Variants in RYR1 observed in about 807,000 individuals in gnomAD.
RYR1 encodes the protein ryanodine receptor 1.
In RYR1, 342 loss-of-function variants were observed where a neutral mutation model predicts 583.5. The ratio of observed to expected loss-of-function variants is 0.59; its 90% confidence interval spans 0.54 to 0.64. RYR1 has a LOEUF of 0.64. Among genes scored for constraint, RYR1 ranks in the 30% least tolerant of loss-of-function variants. RYR1 has a pLI of 0.00. For synonymous variants in RYR1, 2,791 were observed against 2,822.5 expected, an observed-to-expected ratio of 0.99 and a Z score of 0.35; for missense variants, 6,032 against 6,917.2, an observed-to-expected ratio of 0.87 and a Z score of 4.54.
chr19:38,458,940 G>A (rs1967579158), intron 18 of RYR1, among the ~76,000 whole-genome samples: 1 of 152,040 alleles, frequency 6.6e-6, no homozygotes, highest in African/African-American at 2.4e-5. Context: ...TTAATCTCTG[G>A]CCCCACAGCT....
At chr19:38,544,007 G>T in intron 87 of RYR1, 132 bp downstream of exon 87, 1 of 866,444 alleles carries the variant, frequency 1.2e-6, no homozygotes. Flanking sequence ...CCCTCTCAGT[G>T]GCCAAATCCA....
In RYR1 at chr19:38,528,331, A is replaced by C. The variant is rs968796694; in HGVS notation, c.10850A>C (p.Lys3617Thr). Residue 3617 changes from lysine to threonine, a missense_variant, in exon 74 of 106, where the codon AAG (lysine) becomes ACG (threonine). By Grantham distance (78) the Lys-to-Thr change is moderately conservative. Around this residue, in one of 11 missense-constraint regions of RYR1, gnomAD observed 1,493 missense variants for 1,715.5 expected, o/e 0.87. Transcript: ENST00000359596. ...DQTEHPYKSK[K>T]AVWHKLLSKQ... The stretch of plus-strand genomic sequence containing the variant: ...ACCGAGCACCCTTACAAGTCTAAGA[A>C]GGCCGTGTGGCACAAGCTTTTGTCC... 6 of 1,613,922 alleles carry C rather than the reference A, an allele frequency of 3.7e-6. No individual in the cohort carries two copies. The highest frequency in any genetic ancestry group is 4.2e-6 in the Non-Finnish European group (5 of 1,180,018).
intron 7 of RYR1, among the ~76,000 whole-genome samples, chr19:38,445,895 C>CAGA (rs60535236): frequency 6.6e-6 from 1 of 151,702 alleles, no homozygotes; most frequent in African/African-American, 2.4e-5. Context: ...GAGGCTGAGG[C>CAGA]AGTATTGCTT....
At chr19:38,449,979 C>T (rs1471336285) in intron 11 of RYR1, among the ~76,000 whole-genome samples, 3 of 152,206 alleles carry the variant, frequency 2.0e-5, no homozygotes, top group Non-Finnish European at 2.9e-5. Context: ...CCTCCTGCCT[C>T]AGCCTCCCAA....
At position 38,504,352 on chromosome 19, in the gene RYR1, G is replaced by A; in HGVS notation, c.8059G>A (p.Ala2687Thr). 6.2e-7 allele frequency: 1 copy of A among 1,614,074 alleles called. No individual in the cohort carries two copies. Among genetic ancestry groups the A allele is most frequent in the Non-Finnish European group, 8.5e-7 (1 of 1,179,994 alleles). ...CTTCTGGGGCATCTTTGACTCTCTG[G>A]CCCATAAGGTCTGGGCAGCAGGGAG... ...KLFWGIFDSLAHKKYDPELYR... is the reference protein window; with the variant it reads ...KLFWGIFDSLTHKKYDPELYR... Residue 2687 changes from alanine to threonine, a missense_variant, in exon 50 of 106, where the codon GCC (alanine) becomes ACC (threonine). By Grantham distance (58) the Ala-to-Thr change is moderately conservative. Around this residue, in one of 11 missense-constraint regions of RYR1, gnomAD observed 1,493 missense variants for 1,715.5 expected, o/e 0.87. Transcript: ENST00000359596.
At chr19:38,484,796 C>T (rs1969200278) in intron 33 of RYR1, among the ~76,000 whole-genome samples, 1 of 152,028 alleles carries the variant, frequency 6.6e-6, no homozygotes, top group African/African-American at 2.4e-5. Flanking sequence ...AGTGAGAACC[C>T]GTCTCCACAT....
rs118192181 is a variant in RYR1 at position 38,580,439 on chromosome 19, C to G, written c.14581C>G (p.Arg4861Gly). 6.2e-7 allele frequency: 1 copy of G among 1,614,120 alleles called. No homozygotes were observed. Among genetic ancestry groups the G allele is most frequent in the Non-Finnish European group, 8.5e-7 (1 of 1,180,008 alleles). The change falls in exon 101 of 106, where the codon CGC (arginine) becomes GGC (glycine). Residue 4861 changes from arginine to glycine, a missense_variant. By Grantham distance (125) the Arg-to-Gly change is moderately radical. Coordinates refer to ENST00000359596, the MANE Select transcript of RYR1 (RefSeq NM_000540.3). ...LYTVVAFNFF[R>G]KFYNKSEDED... is the part of the protein sequence containing the mutation. Reference sequence around the variant, plus strand: ...CACCGTGGTGGCCTTCAACTTCTTCCGCAAGTTCTACAACAAGAGCGAGGA... The same window carrying G: ...CACCGTGGTGGCCTTCAACTTCTTCGGCAAGTTCTACAACAAGAGCGAGGA...
chr19:38,466,106 T>A lies in RYR1; in HGVS notation c.2886T>A (p.Asn962Lys). 6.2e-7 allele frequency: 1 copy of A among 1,610,940 alleles called. No individual in the cohort carries two copies. Among genetic ancestry groups the A allele is most frequent in the Non-Finnish European group, 8.5e-7 (1 of 1,178,888 alleles). ...ATGCCCGCAGGTATATGATGAGCAA[T>A]GGGTACAAGCCGGCTCCGCTGGACC... ...TKLPKTYMMSNGYKPAPLDLS... is the reference protein window; with the variant it reads ...TKLPKTYMMSKGYKPAPLDLS... Residue 962 changes from asparagine to lysine, a missense_variant, in exon 24 of 106, where the codon AAT becomes AAA. By Grantham distance (94) the Asn-to-Lys change is moderately conservative. Around this residue, in one of 11 missense-constraint regions of RYR1, gnomAD observed 2,627 missense variants for 2,961.3 expected, o/e 0.89. Coordinates refer to ENST00000359596, the MANE Select transcript of RYR1 (RefSeq NM_000540.3).
rs1390009846 is a variant in RYR1 at position 38,455,486 on chromosome 19, C to G, written c.1612C>G (p.Leu538Val). Residue 538 changes from leucine (L) to valine (V), a missense_variant, in exon 15 of 106, where the codon CTC (leucine) becomes GTC (valine). By Grantham distance (32) the Leu-to-Val change is conservative (BLOSUM62 1). Around this residue, in one of 11 missense-constraint regions of RYR1, gnomAD observed 2,627 missense variants for 2,961.3 expected, o/e 0.89. Coordinates refer to ENST00000359596, the MANE Select transcript of RYR1 (RefSeq NM_000540.3). The stretch of plus-strand genomic sequence containing the variant: ...CCGTGGCAATCGTAGCAACTGTGCC[C>G]TCTTCTCCACAAACTTGGACTGGCT... ...LIRGNRSNCALFSTNLDWLVS... is the reference protein window; with the variant it reads ...LIRGNRSNCAVFSTNLDWLVS... The G allele has an allele frequency of 6.2e-7, 1 of 1,614,160 alleles. No individual in the cohort carries two copies. Among genetic ancestry groups the G allele is most frequent in the South Asian group, 1.1e-5 (1 of 91,078 alleles).
chr19:38,476,333 G>A (rs1190933705), intron 29 of RYR1, among the ~76,000 whole-genome samples: 1 of 152,124 alleles, frequency 6.6e-6, no homozygotes, highest in Non-Finnish European at 1.5e-5. Context: ...CAAGTAGCTG[G>A]GACTATGGGC....
In RYR1 at chr19:38,500,447, G is replaced by C. The variant is rs1198831449; in HGVS notation, c.7324-159G>C. Reference sequence around the variant, plus strand: ...AAGGAGAGAGGTCGGGACTGGGGTGGGGGGGCACAGGCAGAGGAACGAGGG... The same window carrying C: ...AAGGAGAGAGGTCGGGACTGGGGTGCGGGGGCACAGGCAGAGGAACGAGGG... On this transcript the variant is annotated intron_variant, in intron 45 of 105. Coordinates refer to ENST00000359596, the MANE Select transcript of RYR1 (RefSeq NM_000540.3). The surrounding 1 kb of genome is among the most constrained non-coding windows in gnomAD (Gnocchi z 5.9). Among the ~76,000 whole-genome samples the C allele has an allele frequency of 6.6e-6, 1 of 151,190 alleles. No individual in the cohort carries two copies. The highest frequency in any genetic ancestry group is 1.5e-5 in the Non-Finnish European group (1 of 67,744).
At chr19:38,550,041 C>T (rs1972601160) in intron 89 of RYR1, among the ~76,000 whole-genome samples, 1 of 151,892 alleles carries the variant, frequency 6.6e-6, no homozygotes, top group African/African-American at 2.4e-5. Context: ...CAAGCATGAA[C>T]CACCTCGCCT....
intron 96 of RYR1, among the ~76,000 whole-genome samples, chr19:38,573,705 A>C (rs1171404430): frequency 6.6e-6 from 1 of 151,752 alleles, no homozygotes; most frequent in Non-Finnish European, 1.5e-5. Context: ...AAAAAAAAAA[A>C]ACCTAGGGTT....
chr19:38,565,664 G>T lies in RYR1; in HGVS notation c.13330G>T (p.Gly4444Cys). 7.2e-7 allele frequency: 1 copy of T among 1,390,534 alleles called. No individual in the cohort carries two copies. Among genetic ancestry groups the T allele is most frequent in the South Asian group, 1.6e-5 (1 of 61,356 alleles). The allele number at this position is 1,390,534 out of a possible 1,614,324, so 86.1% of individuals were successfully genotyped here. A position where few individuals can be genotyped will look rare whatever the true frequency, so the allele number is the denominator to read the frequency against. ...CGGGGCGGTGGCCGTGACCGATGGG[G>T]GCCCCTTCCGGCCCGAAGGGGCTGG... ...ADGAVAVTDG[G>C]PFRPEGAGGL... Residue 4444 changes from glycine (G) to cysteine (C), a missense_variant, in exon 91 of 106, where the codon GGC (glycine) becomes TGC (cysteine). This residue lies in a region of RYR1 where 753 missense variants were observed against 759.6 expected (regional missense o/e 0.99). Transcript: ENST00000359596. This position sits in a 1 kb window ranked among gnomAD's most constrained non-coding sequence, Gnocchi z 4.7.
chr19:38,455,404 C>T, intron 14 of RYR1, 34 bp downstream of exon 14: 1 of 1,614,038 alleles, frequency 6.2e-7, no homozygotes, highest in East Asian at 2.2e-5. Flanking sequence ...CCTGAGAACA[C>T]CCCAGATCCC....
rs748181640 is a variant in RYR1 at position 38,523,017 on chromosome 19, G to A, written c.10260-11G>A. 2.5e-5 allele frequency: 39 copies of A among 1,541,244 alleles called. No homozygotes were observed. The highest frequency in any genetic ancestry group is 2.3e-4 in the Middle Eastern group (1 of 4,282). On this transcript the variant is annotated splice_polypyrimidine_tract_variant and intron_variant, in intron 67 of 105. Transcript: ENST00000359596. ...CCACCCCCTCCCTCACCTCCCCTCCGCTGACCCCAGGGCGCAGTGGCTGAC... is the reference window on the plus strand; with the variant it reads ...CCACCCCCTCCCTCACCTCCCCTCCACTGACCCCAGGGCGCAGTGGCTGAC...
At chr19:38,506,034 A>AG in intron 54 of RYR1, 88 bp downstream of exon 54, 1 of 1,549,084 alleles carries the variant, frequency 6.5e-7, no homozygotes, top group Admixed American at 1.8e-5. Context: ...AGGGATGGAG[A>AG]GGAGAGGGGC....
At chr19:38,578,575 G>A (rs1245262505) in intron 99 of RYR1, among the ~76,000 whole-genome samples, 7 of 152,206 alleles carry the variant, frequency 4.6e-5, no homozygotes, top group Non-Finnish European at 8.8e-5. Flanking sequence ...GCTTACGCCT[G>A]TAGTCCCAGC....
chr19:38,439,133 A>C (rs1972557590), intron 1 of RYR1, among the ~76,000 whole-genome samples: 1 of 152,156 alleles, frequency 6.6e-6, no homozygotes, highest in South Asian at 2.1e-4. Context: ...GGCCCAGAGC[A>C]TAAGGCCTGG....
Sources: gnomAD v4.1 joint callset for allele counts (sites outside exome capture counted in the v4.1 genomes callset) on GRCh38, gnomAD v4.1.1 for gene constraint, gnomAD v4.1.1 regional missense constraint, Gnocchi (gnomAD v3.1) non-coding constraint, MANE v1.5 for transcripts, NCBI Gene and HGNC (gene_info 2026-07-23, HGNC 2026-07-21) for gene names.